GALNT18: variants seen among roughly 807,000 people sequenced by gnomAD.
The protein encoded by GALNT18 is GalNAc-transferase 18.
Under a neutral mutation model 69.5 loss-of-function variants are expected in GALNT18, and 44 were observed. The observed-to-expected ratio is 0.63, with a 90% CI of 0.50 to 0.81. The LOEUF is 0.81. GALNT18 is among the 40% of genes least tolerant of loss of function. The pLI, the probability that GALNT18 is intolerant of heterozygous loss-of-function variation, is 0.00. For synonymous variants in GALNT18, 364 were observed against 318.2 expected (o/e 1.14, Z -1.53); for missense variants, 715 against 810.0 (o/e 0.88, Z 1.42).
chr11:11,289,976 A>G (rs1306579632), intron 10 of GALNT18, among the ~76,000 whole-genome samples: 1 of 152,226 alleles, frequency 6.6e-6, no homozygotes, highest in Non-Finnish European at 1.5e-5. Flanking sequence ...ACTTCAGTTC[A>G]GGAATACCCA....
chr11:11,338,663 G>T lies in GALNT18; in HGVS notation c.1278+2156C>A, dbSNP rs1564900407. Among the ~76,000 whole-genome samples, 1 of 152,234 alleles carries T rather than the reference G, an allele frequency of 6.6e-6. No homozygotes were observed. Among genetic ancestry groups the T allele is most frequent in the Non-Finnish European group, 1.5e-5 (1 of 68,048 alleles). Reference sequence around the variant, plus strand: ...GCCAAGAGGAGATGTCCAGCTGGCAGTTGGAGATGTGAGTCTGAAAGTGAA... The same window carrying T: ...GCCAAGAGGAGATGTCCAGCTGGCATTTGGAGATGTGAGTCTGAAAGTGAA... On this transcript the variant is annotated intron_variant, in intron 7 of 10. Transcript: ENST00000227756. This position sits in a 1 kb window ranked among gnomAD's most constrained non-coding sequence, Gnocchi z 5.3.
intron 1 of GALNT18, among the ~76,000 whole-genome samples, chr11:11,507,898 T>C (rs1274830254): frequency 6.6e-6 from 1 of 152,214 alleles, no homozygotes; most frequent in Non-Finnish European, 1.5e-5. Flanking sequence ...AGCCTACATC[T>C]TTCTCCCATG....
At chr11:11,275,040 G>C (rs1485320278) in intron 10 of GALNT18, among the ~76,000 whole-genome samples, 1 of 152,146 alleles carries the variant, frequency 6.6e-6, no homozygotes, top group Non-Finnish European at 1.5e-5. Context: ...AATGATTTAT[G>C]ATACTTTGGG....
chr11:11,524,316 A>G (rs1564993473), intron 1 of GALNT18, among the ~76,000 whole-genome samples: 1 of 152,238 alleles, frequency 6.6e-6, no homozygotes, highest in Non-Finnish European at 1.5e-5. Flanking sequence ...CATGGATTTC[A>G]GCAGAGTATA....
rs917244309 is a variant in GALNT18, at chr11:11,602,907, A to G, written c.235+18452T>C. Reference sequence around the variant, plus strand: ...GCTGCTTCCAGGTACAGGAGTCAAAATGGGTGGTAAACTTGGGAAATACTA... The same window carrying G: ...GCTGCTTCCAGGTACAGGAGTCAAAGTGGGTGGTAAACTTGGGAAATACTA... On this transcript the variant is annotated intron_variant, in intron 1 of 10. Coordinates refer to ENST00000227756, the MANE Select transcript of GALNT18 (RefSeq NM_198516.3). The surrounding 1 kb of genome is among the most constrained non-coding windows in gnomAD (Gnocchi z 4.7). 2.6e-5 allele frequency among the ~76,000 whole-genome samples: 4 copies of G among 152,222 alleles called. No homozygotes were observed. The highest frequency in any genetic ancestry group is 1.3e-4 in the Admixed American group (2 of 15,278).
intron 1 of GALNT18, among the ~76,000 whole-genome samples, chr11:11,589,997 A>G (rs1310690010): frequency 1.3e-5 from 2 of 152,248 alleles, no homozygotes; most frequent in African/African-American, 4.8e-5. Flanking sequence ...ACACAGACCT[A>G]GGTCCTACTC....
At chr11:11,273,107 C>T (rs909251022) in intron 10 of GALNT18, among the ~76,000 whole-genome samples, 5 of 152,062 alleles carry the variant, frequency 3.3e-5, no homozygotes, top group African/African-American at 4.8e-5. Flanking sequence ...AGAAACACTC[C>T]AGAATGTGGG....
chr11:11,317,306 A>G (rs2632003), intron 9 of GALNT18, among the ~76,000 whole-genome samples: 13,707 of 152,240 alleles, frequency 0.09, 800 homozygotes, highest in African/African-American at 0.17. Context: ...TTAAACACAG[A>G]TGTGAAATGT....
chr11:11,517,998 C>G (rs1435364366), intron 1 of GALNT18, among the ~76,000 whole-genome samples: 1 of 152,186 alleles, frequency 6.6e-6, no homozygotes, highest in Non-Finnish European at 1.5e-5. Context: ...CAGTGCCTAC[C>G]CTGGCCTGGT....
At position 11,572,763 on chromosome 11, in the gene GALNT18, C is replaced by T. The variant is rs190468441; in HGVS notation, c.235+48596G>A. Among the ~76,000 whole-genome samples, 102 of 152,298 alleles carry T rather than the reference C, an allele frequency of 6.7e-4. 3 individuals are homozygous for T. The South Asian group carries it at 0.018, about 27-fold the overall frequency. On this transcript the variant is annotated intron_variant, in intron 1 of 10. Transcript: ENST00000227756. ...CGCCTTCCTGCCAACTATTAGGATG[C>T]AGAAGCAGGCGCCAGCTTCTGCTCA...
intron 1 of GALNT18, among the ~76,000 whole-genome samples, chr11:11,585,809 T>G (rs1287691045): frequency 8.6e-5 from 13 of 150,858 alleles, no homozygotes; most frequent in Non-Finnish European, 1.6e-4. Context: ...AAGTTTTTTT[T>G]TTTTTTTTTT....
intron 1 of GALNT18, among the ~76,000 whole-genome samples, chr11:11,545,974 A>AC (rs1858044878): frequency 6.6e-6 from 1 of 152,260 alleles, no homozygotes; most frequent in Non-Finnish European, 1.5e-5. Flanking sequence ...CCAGAAAAGA[A>AC]CAGAGCTAAC....
intron 1 of GALNT18, among the ~76,000 whole-genome samples, chr11:11,593,063 C>T (rs1859396791): frequency 6.6e-6 from 1 of 152,082 alleles, no homozygotes; most frequent in African/African-American, 2.4e-5. Context: ...CTACAGGCAC[C>T]CCCCAACGCT....
chr11:11,569,714 A>C (rs141794181), intron 1 of GALNT18, among the ~76,000 whole-genome samples: 138 of 152,308 alleles, frequency 9.1e-4, no homozygotes, highest in African/African-American at 3.1e-3. Context: ...TCTTCCACCC[A>C]GCACTAACCA....
chr11:11,617,491 G>A lies in GALNT18; in HGVS notation c.235+3868C>T, dbSNP rs550963365. Among the ~76,000 whole-genome samples, 10 of 152,122 alleles carry A rather than the reference G, an allele frequency of 6.6e-5. No homozygotes were observed. Among genetic ancestry groups the A allele is most frequent in the Admixed American group, 2.0e-4 (3 of 15,270 alleles). ...GCAAATATGGAAAAAATAGTGCTTC[G>A]TTAACAAAAAGAAAGTGAACAAAGC... On this transcript the variant is annotated intron_variant, in intron 1 of 10. Coordinates refer to ENST00000227756, the MANE Select transcript of GALNT18 (RefSeq NM_198516.3). The surrounding 1 kb of genome is among the most constrained non-coding windows in gnomAD (Gnocchi z 4.7).
intron 3 of GALNT18, among the ~76,000 whole-genome samples, chr11:11,379,585 T>C (rs1853861263): frequency 6.6e-6 from 1 of 152,206 alleles, no homozygotes; most frequent in Non-Finnish European, 1.5e-5. Flanking sequence ...TATCAAGTTC[T>C]CCAGCATCAT....
At chr11:11,456,491 C>A (rs952590178) in intron 1 of GALNT18, among the ~76,000 whole-genome samples, 1 of 152,180 alleles carries the variant, frequency 6.6e-6, no homozygotes, top group Non-Finnish European at 1.5e-5. Flanking sequence ...CCTCCAGGGC[C>A]CCCCTGCAAC....
At chr11:11,283,679 G>GA (rs1252354355) in intron 10 of GALNT18, among the ~76,000 whole-genome samples, 1 of 152,190 alleles carries the variant, frequency 6.6e-6, no homozygotes, top group Non-Finnish European at 1.5e-5. Context: ...GGAGGGCACA[G>GA]TCATTTGGTT....
chr11:11,484,593 CAAAAAAAAAAAAAAA>C (rs1159968814), intron 1 of GALNT18, among the ~76,000 whole-genome samples: 1 of 83,066 alleles, frequency 1.2e-5, no homozygotes, highest in East Asian at 3.4e-4. Context: ...AACTCCATCT[CAAAAAAAAAAAAAAA>C]AAAAAAAATA....
Sources: gnomAD v4.1 joint callset for allele counts (sites outside exome capture counted in the v4.1 genomes callset) on GRCh38, gnomAD v4.1.1 for gene constraint, Gnocchi (gnomAD v3.1) non-coding constraint, MANE v1.5 for transcripts, NCBI Gene and HGNC (gene_info 2026-07-23, HGNC 2026-07-21) for gene names.